The following KLHL18 variants were observed in gnomAD, a reference collection of about 807,000 sequenced individuals.
KLHL18 encodes kelch-like protein 18.
KLHL18 carries 38 observed loss-of-function variants against 58.5 expected under a neutral mutation model. The ratio of observed to expected loss-of-function variants is 0.65; its 90% CI spans 0.50 to 0.85. The LOEUF (loss-of-function observed/expected upper bound fraction) is 0.85. KLHL18 is among the 40% of genes least tolerant of loss of function. The pLI, the probability that KLHL18 is intolerant of heterozygous loss-of-function variation, is 0.00. For synonymous variants in KLHL18, 303 were observed against 301.9 expected, an observed-to-expected ratio of 1.00 and a Z score of -0.04; for missense variants, 624 against 778.4, an observed-to-expected ratio of 0.80 and a Z score of 2.36.
chr3:47,291,329 G>A (rs1702787317), intron 1 of KLHL18, among the ~76,000 whole-genome samples: 1 of 152,194 alleles, frequency 6.6e-6, no homozygotes, highest in Non-Finnish European at 1.5e-5. Context: ...CATGGAACCA[G>A]CCAGCTGGCC....
intron 1 of KLHL18, among the ~76,000 whole-genome samples, chr3:47,316,439 A>G (rs1703422912): frequency 6.7e-6 from 1 of 148,890 alleles, no homozygotes. Context: ...CCTGAGCAAC[A>G]AAGCAGGACC....
intron 1 of KLHL18, among the ~76,000 whole-genome samples, chr3:47,316,485 A>G (rs1335726732): frequency 7.0e-5 from 1 of 14,308 alleles, no homozygotes. Flanking sequence ...ATATATATAC[A>G]TATATACATA....
At chr3:47,292,786 G>T (rs1385710960) in intron 1 of KLHL18, among the ~76,000 whole-genome samples, 1 of 151,616 alleles carries the variant, frequency 6.6e-6, no homozygotes, top group African/African-American at 2.4e-5. Context: ...TGCACTTGTA[G>T]TTCCAGCTAC....
At chr3:47,308,733 C>T (rs1231738027) in intron 1 of KLHL18, among the ~76,000 whole-genome samples, 6 of 152,072 alleles carry the variant, frequency 3.9e-5, no homozygotes, top group African/African-American at 7.2e-5. Flanking sequence ...TTCCTTCCCT[C>T]CCTCCCTCCT....
At chr3:47,327,732 G>A (rs1576174035) in intron 3 of KLHL18, among the ~76,000 whole-genome samples, 2 of 152,174 alleles carry the variant, frequency 1.3e-5, no homozygotes, top group Admixed American at 1.3e-4. Flanking sequence ...AGCAAGCTCA[G>A]GCTGGAATGA....
In KLHL18 at chr3:47,319,786, A is replaced by G. The variant is rs1703542002; in HGVS notation, c.260+3A>G. ...GTAATGCAAGGAATGGACCCAAGGT[A>G]CTGAATCCCACCATTAGGTTTCGCA... On this transcript the variant is annotated splice_donor_region_variant and intron_variant, in intron 2 of 9. Transcript: ENST00000232766. 2 of 1,612,992 alleles carry G rather than the reference A, an allele frequency of 1.2e-6. No homozygotes were observed. Among genetic ancestry groups the G allele is most frequent in the South Asian group, 2.2e-5 (2 of 91,024 alleles).
At chr3:47,339,372 G>C (rs1704055563) in intron 7 of KLHL18, among the ~76,000 whole-genome samples, 1 of 151,658 alleles carries the variant, frequency 6.6e-6, no homozygotes, top group African/African-American at 2.4e-5. Flanking sequence ...TGTGCCTGTA[G>C]TCCCAGCTAC....
At chr3:47,298,668 A>G (rs1702949531) in intron 1 of KLHL18, among the ~76,000 whole-genome samples, 1 of 152,166 alleles carries the variant, frequency 6.6e-6, no homozygotes, top group South Asian at 2.1e-4. Context: ...GAGCTAGTTC[A>G]TAACCACACA....
chr3:47,284,251 T>TCACACA (rs1341276671), intron 1 of KLHL18, among the ~76,000 whole-genome samples: 8 of 151,048 alleles, frequency 5.3e-5, no homozygotes, highest in African/African-American at 2.0e-4. Flanking sequence ...TCTCTGTCTC[T>TCACACA]CTCACACACA....
chr3:47,343,693 A>G lies in KLHL18; in HGVS notation c.1477A>G (p.Ile493Val). Residue 493 changes from isoleucine (I) to valine (V), a missense_variant, in exon 10 of 10, where the codon ATT becomes GTT. Transcript: ENST00000232766. The stretch of plus-strand genomic sequence containing the variant: ...CTACGATGGCTCTGGCTTCCTCAGC[A>G]TTGCCGAGATGTACAGCTCTGTGGC... ...GGYDGSGFLS[I>V]AEMYSSVADQ... The G allele has an allele frequency of 6.2e-7, 1 of 1,614,148 alleles. No homozygotes were observed.
chr3:47,302,323 A>G (rs1198915201), intron 1 of KLHL18, among the ~76,000 whole-genome samples: 1 of 152,122 alleles, frequency 6.6e-6, no homozygotes, highest in Non-Finnish European at 1.5e-5. Flanking sequence ...TGTCTCTACT[A>G]AAAATACAAA....
rs1239735547 is a variant in KLHL18, at chr3:47,345,694, C to T, written c.*1753C>T. On this transcript the variant is annotated 3_prime_UTR_variant, in exon 10 of 10. Coordinates refer to ENST00000232766, the MANE Select transcript of KLHL18 (RefSeq NM_025010.5). ...CAAGACTGAGTCTTAGGGCTCCAGT[C>T]TCCACCTGCTTGGTTTCCTATCCTT... 1.3e-5 allele frequency: 2 copies of T among 152,558 alleles called. No individual in the cohort carries two copies. Among genetic ancestry groups the T allele is most frequent in the Non-Finnish European group, 2.9e-5 (2 of 68,052 alleles). The allele number at this position is 152,558 out of a possible 1,614,324, so 9.5% of individuals were successfully genotyped here.
At chr3:47,327,068 A>G (rs1703741729) in intron 3 of KLHL18, among the ~76,000 whole-genome samples, 2 of 151,944 alleles carry the variant, frequency 1.3e-5, no homozygotes, top group Admixed American at 1.3e-4. Flanking sequence ...GTGAAATGCC[A>G]TCTCTACTAA....
chr3:47,321,575 C>T (rs915073522), intron 2 of KLHL18, among the ~76,000 whole-genome samples: 5 of 152,094 alleles, frequency 3.3e-5, no homozygotes, highest in African/African-American at 1.2e-4. Flanking sequence ...GTCTCGAGCT[C>T]CTGACCTCAG....
At position 47,309,969 on chromosome 3, in the gene KLHL18, G is replaced by C. The variant is rs571169366; in HGVS notation, c.130-9684G>C. Among the ~76,000 whole-genome samples the C allele has an allele frequency of 1.9e-3, 281 of 151,102 alleles. 3 individuals are homozygous for C. The highest frequency in any genetic ancestry group is 6.2e-3 in the African/African-American group (256 of 41,110). On this transcript the variant is annotated intron_variant, in intron 1 of 9. Coordinates refer to ENST00000232766, the MANE Select transcript of KLHL18 (RefSeq NM_025010.5). The stretch of plus-strand genomic sequence containing the variant: ...AGTCCAGCTTCGGCTCGGCATCAGA[G>C]GGAGACCGTGGGGAGAGGGAGGGGG...
chr3:47,297,256 T>C (rs1235112105), intron 1 of KLHL18, among the ~76,000 whole-genome samples: 1 of 152,244 alleles, frequency 6.6e-6, no homozygotes, highest in Non-Finnish European at 1.5e-5. Context: ...TGTTTTATTA[T>C]ACTTGCCATC....
intron 1 of KLHL18, among the ~76,000 whole-genome samples, chr3:47,300,287 T>TTATATATATATATATATATATA (rs1207306389): frequency 2.6e-4 from 34 of 133,114 alleles, no homozygotes; most frequent in Non-Finnish European, 4.3e-4. Flanking sequence ...CACCGGCATT[T>TTATATATATATATATATATATA]TATATATATA....
chr3:47,334,481 GC>G lies in KLHL18; in HGVS notation c.762-198del, dbSNP rs1559503147. On this transcript the variant is annotated intron_variant, in intron 5 of 9. Transcript: ENST00000232766. This position sits in a 1 kb window ranked among gnomAD's most constrained non-coding sequence, Gnocchi z 4.7. ...AGCTGAGGTGGTCTTTGCTTGTCTTGCCCCTTTAATTTTGAGTATATCTCAG... is the reference window on the plus strand; with the variant it reads ...AGCTGAGGTGGTCTTTGCTTGTCTTGCCCTTTAATTTTGAGTATATCTCAG... 2.6e-5 allele frequency among the ~76,000 whole-genome samples: 4 copies of G among 152,068 alleles called. No homozygotes were observed.
chr3:47,326,324 C>T (rs1360218702), intron 3 of KLHL18, among the ~76,000 whole-genome samples: 1 of 152,170 alleles, frequency 6.6e-6, no homozygotes, highest in Non-Finnish European at 1.5e-5. Flanking sequence ...ACGTCAGTAA[C>T]CTGTTTAATT....
Sources: gnomAD v4.1 joint callset for allele counts (sites outside exome capture counted in the v4.1 genomes callset) on GRCh38, gnomAD v4.1.1 for gene constraint, Gnocchi (gnomAD v3.1) non-coding constraint, MANE v1.5 for transcripts, NCBI Gene and HGNC (gene_info 2026-07-23, HGNC 2026-07-21) for gene names.